Variants in ALDH5A1 observed in about 807,000 individuals in gnomAD.
ALDH5A1 encodes the protein succinate-semialdehyde dehydrogenase, mitochondrial.
Under a neutral mutation model 54.7 loss-of-function variants are expected in ALDH5A1, and 33 were observed. The observed-to-expected ratio is 0.60, with a 90% confidence interval of 0.46 to 0.81. ALDH5A1 has a LOEUF of 0.81. ALDH5A1 is among the 30% of genes least tolerant of loss of function. The pLI, the probability that ALDH5A1 is intolerant of heterozygous loss-of-function variation, is 0.00. For missense variants in ALDH5A1, 657 were observed against 711.0 expected, an observed-to-expected ratio of 0.92 and a Z score of 0.86; for synonymous variants, 294 against 292.7, an observed-to-expected ratio of 1.00 and a Z score of -0.05.
At chr6:24,502,664 A>C in intron 2 of ALDH5A1, 58 bp downstream of exon 2, 2 of 1,383,794 alleles carry the variant, frequency 1.4e-6, no homozygotes, top group Non-Finnish European at 2.0e-6. Flanking sequence ...TTTTACACTA[A>C]ACTTGGGAAA....
chr6:24,514,631 T>TAG (rs1194494357), intron 4 of ALDH5A1, among the ~76,000 whole-genome samples: 2 of 151,904 alleles, frequency 1.3e-5, no homozygotes. Flanking sequence ...TCGGAAGGCT[T>TAG]AGGCAGGAGA....
chr6:24,496,435 A>G (rs1764706872), intron 1 of ALDH5A1, among the ~76,000 whole-genome samples: 1 of 152,260 alleles, frequency 6.6e-6, no homozygotes, highest in South Asian at 2.1e-4. Context: ...CAGTGTGACC[A>G]GGCATATTCC....
At chr6:24,513,887 A>G (rs966388261) in intron 4 of ALDH5A1, among the ~76,000 whole-genome samples, 1 of 152,036 alleles carries the variant, frequency 6.6e-6, no homozygotes, top group African/African-American at 2.4e-5. Flanking sequence ...ATTCTTACCC[A>G]CTTGTAATTT....
chr6:24,525,249 T>C (rs1223079434), intron 7 of ALDH5A1, among the ~76,000 whole-genome samples: 2 of 152,140 alleles, frequency 1.3e-5, no homozygotes, highest in African/African-American at 2.4e-5. Flanking sequence ...TTTTATAATA[T>C]AAAATTCATA....
At chr6:24,502,687 C>T in intron 2 of ALDH5A1, 81 bp downstream of exon 2, 1 of 994,950 alleles carries the variant, frequency 1.0e-6, no homozygotes, top group Non-Finnish European at 1.6e-6. Flanking sequence ...CGCTGACTTC[C>T]CTTCACTGCT....
intron 5 of ALDH5A1, among the ~76,000 whole-genome samples, chr6:24,515,658 G>A (rs1759556971): frequency 6.6e-6 from 1 of 152,204 alleles, no homozygotes; most frequent in Non-Finnish European, 1.5e-5. Context: ...GGAGGCGAAG[G>A]TTGCAGTGAG....
intron 4 of ALDH5A1, among the ~76,000 whole-genome samples, chr6:24,506,467 G>C (rs959720235): frequency 6.6e-6 from 1 of 151,386 alleles, no homozygotes; most frequent in Non-Finnish European, 1.5e-5. Flanking sequence ...TGGCCAGACT[G>C]GTCTTGAACT....
intron 1 of ALDH5A1, among the ~76,000 whole-genome samples, chr6:24,500,223 G>A (rs984483719): frequency 1.3e-5 from 2 of 152,132 alleles, no homozygotes; most frequent in Non-Finnish European, 2.9e-5. Flanking sequence ...CCATTTTTAA[G>A]TGTACATTTC....
chr6:24,516,172 C>T (rs1241071797), intron 5 of ALDH5A1, among the ~76,000 whole-genome samples: 3 of 151,948 alleles, frequency 2.0e-5, no homozygotes, highest in African/African-American at 7.3e-5. Flanking sequence ...CGCGGTGGCT[C>T]ACACCTGTAA....
chr6:24,531,972 G>A (rs1759945257), intron 8 of ALDH5A1, 147 bp from the exon 9 acceptor site: 3 of 744,572 alleles, frequency 4.0e-6, no homozygotes, highest in African/African-American at 1.7e-5. Flanking sequence ...GAATGGTGCT[G>A]CTTTCTTCTG....
At chr6:24,499,434 T>G (rs1581804574) in intron 1 of ALDH5A1, among the ~76,000 whole-genome samples, 1 of 152,038 alleles carries the variant, frequency 6.6e-6, no homozygotes, top group East Asian at 1.9e-4. Context: ...TTTTCTTTTT[T>G]TAAGTGGTTT....
At position 24,515,180 on chromosome 6, in the gene ALDH5A1, C is replaced by A. The variant is rs1216630845; in HGVS notation, c.740C>A (p.Ala247Asp). The change falls in exon 5 of 10, where the codon GCT (alanine) becomes GAT (aspartate). Residue 247 changes from alanine (A) to aspartate (D), a missense_variant. Around this residue, in one of 2 missense-constraint regions of ALDH5A1, gnomAD observed 425 missense variants for 516.4 expected, o/e 0.82. Transcript: ENST00000357578. The part of the protein sequence containing the change: ...ALALAELASQ[A>D]GIPSGVYNVI... ...TTCTCTTTATAGCTTGCAAGCCAGGCTGGGATTCCTTCAGGTGTATACAAT... is the reference window on the plus strand; with the variant it reads ...TTCTCTTTATAGCTTGCAAGCCAGGATGGGATTCCTTCAGGTGTATACAAT... 1.2e-6 allele frequency: 2 copies of A among 1,600,808 alleles called. No individual in the cohort carries two copies.
intron 6 of ALDH5A1, among the ~76,000 whole-genome samples, chr6:24,522,192 C>T (rs936184713): frequency 3.3e-5 from 5 of 152,086 alleles, no homozygotes; most frequent in Non-Finnish European, 7.4e-5. Flanking sequence ...TGCCTATAGT[C>T]CCACCTACTT....
intron 7 of ALDH5A1, among the ~76,000 whole-genome samples, chr6:24,526,235 A>G (rs867631270): frequency 1.3e-5 from 2 of 152,182 alleles, no homozygotes; most frequent in Non-Finnish European, 2.9e-5. Flanking sequence ...TCAGTCCTTC[A>G]TTCAGAAAGA....
At chr6:24,529,670 G>GTTTTTTTTTTTTTTTTTTTTTTTT (rs55878931) in intron 8 of ALDH5A1, among the ~76,000 whole-genome samples, 3 of 86,326 alleles carry the variant, frequency 3.5e-5, no homozygotes, top group Non-Finnish European at 6.4e-5. Context: ...TTTGGTTTGG[G>GTTTTTTTTTTTTTTTTTTTTTTTT]TTTTTTTTTT....
intron 5 of ALDH5A1, among the ~76,000 whole-genome samples, chr6:24,519,728 G>A (rs989751816): frequency 1.3e-5 from 2 of 150,738 alleles, no homozygotes; most frequent in African/African-American, 4.9e-5. Flanking sequence ...GTTACGAAAC[G>A]GTATAATTAT....
chr6:24,505,018 G>C lies in ALDH5A1; in HGVS notation c.726+33G>C, dbSNP rs376750565. The C allele has an allele frequency of 5.4e-5, 86 of 1,606,650 alleles. No individual in the cohort carries two copies. In the African/African-American group the frequency reaches 1.1e-3, roughly 21 times the overall value. The stretch of plus-strand genomic sequence containing the variant: ...GCTCTCCCTGTGTTTGTACAAAGCA[G>C]ACAAAGTTCAAAAATTGATGTTTAT... On this transcript the variant is annotated intron_variant, in intron 4 of 9. Transcript: ENST00000357578.
intron 1 of ALDH5A1, among the ~76,000 whole-genome samples, chr6:24,497,196 G>GGGGC (rs1181822033): frequency 6.6e-6 from 1 of 152,166 alleles, no homozygotes; most frequent in Non-Finnish European, 1.5e-5. Context: ...CTGGGTGGGT[G>GGGGC]GGGCGTGGTG....
At chr6:24,515,935 A>G (rs1346543611) in intron 5 of ALDH5A1, among the ~76,000 whole-genome samples, 1 of 152,176 alleles carries the variant, frequency 6.6e-6, no homozygotes, top group Non-Finnish European at 1.5e-5. Context: ...TCTTTCTTTC[A>G]ATAATCTAGA....
Sources: gnomAD v4.1 joint callset for allele counts (sites outside exome capture counted in the v4.1 genomes callset) on GRCh38, gnomAD v4.1.1 for gene constraint, gnomAD v4.1.1 regional missense constraint, MANE v1.5 for transcripts, NCBI Gene and HGNC (gene_info 2026-07-23, HGNC 2026-07-21) for gene names.